Variants in KIAA1549L observed in about 807,000 individuals in gnomAD.
The protein encoded by KIAA1549L is KIAA1549 like, also known as UPF0606 protein KIAA1549L.
Under a neutral mutation model 160.7 loss-of-function variants are expected in KIAA1549L, and 88 were observed. That is an observed-to-expected ratio of 0.55 (90% CI 0.46 to 0.65). The LOEUF (loss-of-function observed/expected upper bound fraction) is 0.65, where lower values mean the gene tolerates loss of function less well. KIAA1549L is among the 30% of genes least tolerant of loss of function. The probability of loss-of-function intolerance (pLI) is 0.00; values close to 1 mark genes in which losing one functional copy is unlikely to be tolerated. For synonymous variants in KIAA1549L, 950 were observed against 976.7 expected (o/e 0.97, Z 0.51); for missense variants, 2,258 against 2,437.5 (o/e 0.93, Z 1.55).
intron 1 of KIAA1549L, among the ~76,000 whole-genome samples, chr11:33,470,804 CT>C (rs2133024869): frequency 6.6e-6 from 1 of 151,708 alleles, no homozygotes; most frequent in South Asian, 2.1e-4. Context: ...CTTTTTTCTT[CT>C]TTGTTTTGTT....
At chr11:33,474,234 G>T (rs1409969206) in intron 1 of KIAA1549L, among the ~76,000 whole-genome samples, 2 of 152,120 alleles carry the variant, frequency 1.3e-5, no homozygotes, top group Non-Finnish European at 2.9e-5. Context: ...GATTTACAGG[G>T]GACAAACACC....
rs771683768 is a variant in KIAA1549L, at chr11:33,544,849, G to T, written c.2856G>T (p.Leu952=). 21 of 1,613,494 alleles carry T rather than the reference G, an allele frequency of 1.3e-5. 1 individual carries two copies. In the Admixed American group the frequency reaches 3.5e-4, roughly 27 times the overall value. ...LFLRKSSPPA[L]SAALVAKGTS... ...TGAGGAAATCAAGTCCACCTGCACT[G>T]TCTGCAGCCCTGGTTGCTAAGGGCA... The change falls in exon 3 of 21, where the codon CTG becomes CTT. Residue 952 remains leucine (L), a synonymous_variant. Coordinates refer to ENST00000658780, the MANE Select transcript of KIAA1549L (RefSeq NM_012194.3).
intron 16 of KIAA1549L, among the ~76,000 whole-genome samples, chr11:33,645,387 G>A (rs184917172): frequency 5.9e-5 from 9 of 152,230 alleles, no homozygotes; most frequent in East Asian, 1.9e-4. Flanking sequence ...AGAAAGTACC[G>A]TTAATGTCAT....
intron 11 of KIAA1549L, 54 bp downstream of exon 11, chr11:33,583,555 C>T (rs1855716446): frequency 2.0e-6 from 3 of 1,482,426 alleles, no homozygotes; most frequent in Admixed American, 4.3e-5. Flanking sequence ...AGGAGCTCAG[C>T]CTGCCTTTCC....
At chr11:33,629,242 T>C (rs1851207138) in intron 16 of KIAA1549L, among the ~76,000 whole-genome samples, 1 of 152,202 alleles carries the variant, frequency 6.6e-6, no homozygotes, top group Non-Finnish European at 1.5e-5. Context: ...ATTTCAACTT[T>C]GGTGAATCTG....
intron 1 of KIAA1549L, among the ~76,000 whole-genome samples, chr11:33,512,185 T>A (rs886216921): frequency 3.3e-5 from 5 of 152,156 alleles, no homozygotes; most frequent in African/African-American, 1.2e-4. Flanking sequence ...TAAAAGATGG[T>A]CAGAGTTGTC....
intron 1 of KIAA1549L, among the ~76,000 whole-genome samples, chr11:33,460,269 A>G (rs893436135): frequency 1.3e-5 from 2 of 151,962 alleles, no homozygotes; most frequent in Non-Finnish European, 2.9e-5. Flanking sequence ...ATTACCTCTG[A>G]TGGGAGGGGG....
At chr11:33,648,386 A>G (rs974779155) in intron 17 of KIAA1549L, among the ~76,000 whole-genome samples, 3 of 151,832 alleles carry the variant, frequency 2.0e-5, no homozygotes, top group Admixed American at 2.0e-4. Flanking sequence ...GGAAAGGAGA[A>G]AATAGCTAAC....
intron 1 of KIAA1549L, among the ~76,000 whole-genome samples, chr11:33,455,706 C>T (rs1030838416): frequency 5.3e-5 from 8 of 152,132 alleles, no homozygotes; most frequent in African/African-American, 1.9e-4. Context: ...CTCTGAGAGA[C>T]ATTTTTTTCC....
chr11:33,540,537 C>T (rs946999948), intron 1 of KIAA1549L, among the ~76,000 whole-genome samples: 1 of 152,178 alleles, frequency 6.6e-6, no homozygotes, highest in African/African-American at 2.4e-5. Flanking sequence ...ATGAAAGCAG[C>T]ATCCACCTTC....
chr11:33,633,543 C>T (rs1048904177), intron 16 of KIAA1549L, among the ~76,000 whole-genome samples: 1 of 152,110 alleles, frequency 6.6e-6, no homozygotes, highest in African/African-American at 2.4e-5. Context: ...AGTGCTAACT[C>T]ACGGGAGAGA....
chr11:33,413,955 G>A (rs191213058), intron 1 of KIAA1549L, among the ~76,000 whole-genome samples: 2 of 152,264 alleles, frequency 1.3e-5, no homozygotes, highest in East Asian at 1.9e-4. Context: ...ATCTGACAAA[G>A]GATTTGTGTC....
chr11:33,581,684 C>G (rs535438008), intron 10 of KIAA1549L, among the ~76,000 whole-genome samples: 1 of 152,052 alleles, frequency 6.6e-6, no homozygotes, highest in Non-Finnish European at 1.5e-5. Context: ...TTTAAATAAC[C>G]CTTCATTCCT....
chr11:33,650,901 C>G (rs1244458428), intron 17 of KIAA1549L, among the ~76,000 whole-genome samples: 4 of 152,152 alleles, frequency 2.6e-5, no homozygotes, highest in African/African-American at 9.7e-5. Context: ...CTGGCCTTTC[C>G]TAGAGGCAGA....
intron 1 of KIAA1549L, among the ~76,000 whole-genome samples, chr11:33,463,433 C>T (rs963266059): frequency 3.3e-5 from 5 of 151,420 alleles, no homozygotes; most frequent in Non-Finnish European, 2.9e-5. Flanking sequence ...TTAGTTATGA[C>T]GACCACCAGT....
intron 1 of KIAA1549L, among the ~76,000 whole-genome samples, chr11:33,527,947 G>A (rs1197678148): frequency 1.3e-5 from 2 of 152,102 alleles, no homozygotes; most frequent in African/African-American, 2.4e-5. Context: ...TCATGGGGGC[G>A]AGCCTTTCCT....
chr11:33,668,148 G>A lies in KIAA1549L; in HGVS notation c.6435G>A (p.Gln2145=). The change falls in exon 21 of 21, where the codon CAG becomes CAA. Residue 2145 remains glutamine, a synonymous_variant. Transcript: ENST00000658780. ...AACAGACAGACATGTTTGAGTTCCA[G>A]GTCTAACGCCTTAGCCCCGTGGGAC... ...AKKQTDMFEF[Q]V 2 of 1,612,900 alleles carry A rather than the reference G, an allele frequency of 1.2e-6. No individual in the cohort carries two copies. Among genetic ancestry groups the A allele is most frequent in the Non-Finnish European group, 1.7e-6 (2 of 1,179,500 alleles).
At chr11:33,453,161 T>C (rs1273944080) in intron 1 of KIAA1549L, among the ~76,000 whole-genome samples, 2 of 152,202 alleles carry the variant, frequency 1.3e-5, no homozygotes, top group Admixed American at 6.5e-5. Context: ...GCAGGATGGA[T>C]GAAGAAAACA....
chr11:33,625,081 C>G (rs1389725816), intron 16 of KIAA1549L, among the ~76,000 whole-genome samples: 1 of 151,904 alleles, frequency 6.6e-6, no homozygotes, highest in Non-Finnish European at 1.5e-5. Flanking sequence ...CTACAAAGGA[C>G]ATGAACTCAT....
Sources: gnomAD v4.1 joint callset for allele counts (sites outside exome capture counted in the v4.1 genomes callset) on GRCh38, gnomAD v4.1.1 for gene constraint, MANE v1.5 for transcripts, NCBI Gene and HGNC (gene_info 2026-07-23, HGNC 2026-07-21) for gene names.